NBAS: variants seen among roughly 807,000 people sequenced by gnomAD.
NBAS encodes NAG/BC035112 fusion.
Under a neutral mutation model 302.5 loss-of-function variants are expected in NBAS, and 219 were observed. That is an observed-to-expected ratio of 0.72 (90% CI 0.65 to 0.81). The LOEUF (loss-of-function observed/expected upper bound fraction) is 0.81. NBAS is among the 30% of genes least tolerant of loss of function. The probability of loss-of-function intolerance (pLI) is 0.00; values close to 1 mark genes in which losing one functional copy is unlikely to be tolerated. For missense variants in NBAS, 2,932 were observed against 2,841.6 expected, an observed-to-expected ratio of 1.03 and a Z score of -0.72; for synonymous variants, 1,118 against 1,021.6, an observed-to-expected ratio of 1.09 and a Z score of -1.80.
intron 48 of NBAS, among the ~76,000 whole-genome samples, chr2:15,212,678 G>A (rs1372951244): frequency 6.6e-6 from 1 of 152,098 alleles, no homozygotes; most frequent in Non-Finnish European, 1.5e-5. Flanking sequence ...TGAAGCATGG[G>A]GGGAGTTTCC....
At chr2:15,257,400 CTT>C (rs528160196) in intron 44 of NBAS, among the ~76,000 whole-genome samples, 26 of 135,128 alleles carry the variant, frequency 1.9e-4, no homozygotes, top group African/African-American at 1.6e-4. Flanking sequence ...CATTTAATTT[CTT>C]TTTTTTTTTT....
intron 6 of NBAS, among the ~76,000 whole-genome samples, chr2:15,548,231 G>A (rs966166423): frequency 2.0e-5 from 3 of 152,170 alleles, no homozygotes; most frequent in Non-Finnish European, 4.4e-5. Context: ...GTGTGCCTAC[G>A]ATGTGTCAGG....
At position 15,417,411 on chromosome 2, in the gene NBAS, A is replaced by T. The variant is rs1528622; in HGVS notation, c.2763+116T>A. 541,503 of 888,406 alleles carry T rather than the reference A, an allele frequency of 0.61. 174,536 individuals are homozygous for T. The highest frequency in any genetic ancestry group is 0.68 in the Non-Finnish European group (400,982 of 588,816). The allele number at this position is 888,406 out of a possible 1,614,324, so 55.0% of individuals were successfully genotyped here. A position where few individuals can be genotyped will look rare whatever the true frequency, so the allele number is the denominator to read the frequency against. On this transcript the variant is annotated intron_variant, in intron 24 of 51. Transcript: ENST00000281513. ...TTTACTGTGAAAAAAGTCAATCTTT[A>T]TTTACTAACTTCTCAGGTCTGTAGA...
chr2:15,102,716 T>A, the NBAS span, among the ~76,000 whole-genome samples: 2,529 of 152,242 alleles, frequency 0.017, 85 homozygotes, highest in African/African-American at 0.058. Flanking sequence ...CACCCAAGAA[T>A]AAGTTGGCTT....
chr2:14,963,491 G>A, the NBAS span, among the ~76,000 whole-genome samples: 1 of 152,096 alleles, frequency 6.6e-6, no homozygotes, highest in Non-Finnish European at 1.5e-5. Context: ...TTCAAGTCAG[G>A]TAGTTTCAAA....
rs773731707 is a variant in NBAS at position 15,427,744 on chromosome 2, C to T, written c.2390G>A (p.Arg797Gln). 3.9e-5 allele frequency: 63 copies of T among 1,613,348 alleles called. 2 individuals carry two copies. The highest frequency in any genetic ancestry group is 6.7e-5 in the East Asian group (3 of 44,856). Residue 797 changes from arginine to glutamine, a missense_variant, in exon 22 of 52, where the codon CGA (arginine) becomes CAA (glutamine). Physicochemically the swap from Arg to Gln is conservative, Grantham distance 43 (BLOSUM62 1). Transcript: ENST00000281513. ...CAACTCCTCGCACCAATCTTTAGCT[C>T]GGTGTTTATGTTCATGCCAAGGAAT... ...MIIPWHEHKH[R>Q]AKDWCEELAC...
the NBAS span, among the ~76,000 whole-genome samples, chr2:14,975,581 A>G: frequency 6.6e-6 from 1 of 152,290 alleles, no homozygotes; most frequent in South Asian, 2.1e-4. Context: ...ACATATGAGC[A>G]TGGTCTCATT....
rs1302399193 is a variant in NBAS at position 15,341,584 on chromosome 2, C to A, written c.4179+10408G>T. ...AAAAACAAAAATGTATTGCTTATTA[C>A]AAACACAGTTATTTTAAAATATAAA... On this transcript the variant is annotated intron_variant, in intron 35 of 51. Transcript: ENST00000281513. Among the ~76,000 whole-genome samples the A allele has an allele frequency of 2.0e-5, 3 of 151,930 alleles. No homozygotes were observed. In the East Asian group the frequency reaches 5.8e-4, roughly 29 times the overall value.
intron 8 of NBAS, among the ~76,000 whole-genome samples, chr2:15,534,923 A>T (rs1184509000): frequency 2.0e-5 from 3 of 152,202 alleles, no homozygotes; most frequent in Non-Finnish European, 1.5e-5. Flanking sequence ...ATCCATAAAG[A>T]CTTGTACAAG....
the NBAS span, among the ~76,000 whole-genome samples, chr2:14,943,612 T>C: frequency 1.3e-5 from 2 of 152,214 alleles, no homozygotes; most frequent in African/African-American, 4.8e-5. Flanking sequence ...GACCACTTTA[T>C]TATTAATTAA....
rs148728890 is a variant in NBAS, at chr2:15,435,531, G to A, written c.2340-7737C>T. 1.5e-3 allele frequency among the ~76,000 whole-genome samples: 227 copies of A among 152,290 alleles called. 2 individuals carry two copies. The highest frequency in any genetic ancestry group is 5.1e-3 in the African/African-American group (210 of 41,556). ...ATCTTTCTCATTTTACAGGAGAGGA[G>A]ACACAGGCACAGAAACAGTAAGCAA... is the stretch of plus-strand genomic sequence containing the variant. On this transcript the variant is annotated intron_variant, in intron 21 of 51. Coordinates refer to ENST00000281513, the MANE Select transcript of NBAS (RefSeq NM_015909.4).
Position 15,380,833 on chromosome 2 carries a change from T to A in NBAS, c.3361-1002A>T, listed in dbSNP as rs1000104752. On this transcript the variant is annotated intron_variant, in intron 29 of 51. Coordinates refer to ENST00000281513, the MANE Select transcript of NBAS (RefSeq NM_015909.4). ...GTAACATTTAATGGAGAAGCAAGAG[T>A]TTCAATATAATTAAGAAGACCATCC... Among the ~76,000 whole-genome samples, 5 of 151,964 alleles carry A rather than the reference T, an allele frequency of 3.3e-5. No homozygotes were observed. In the South Asian group the frequency reaches 6.2e-4, roughly 19 times the overall value.
the NBAS span, among the ~76,000 whole-genome samples, chr2:15,027,820 A>T: frequency 9.9e-5 from 15 of 151,788 alleles, no homozygotes; most frequent in African/African-American, 3.4e-4. Context: ...GTTTTATTTG[A>T]TCCCTATTTT....
chr2:14,996,604 G>T, the NBAS span, among the ~76,000 whole-genome samples: 1 of 152,262 alleles, frequency 6.6e-6, no homozygotes, highest in Non-Finnish European at 1.5e-5. Flanking sequence ...GTCTCTTTGC[G>T]ATGACAGATG....
the NBAS span, among the ~76,000 whole-genome samples, chr2:14,914,290 G>C: frequency 6.6e-6 from 1 of 152,134 alleles, no homozygotes; most frequent in African/African-American, 2.4e-5. Context: ...AGACAGATAA[G>C]ACTGACAGCA....
At chr2:14,804,339 A>T in the NBAS span, among the ~76,000 whole-genome samples, 1 of 152,298 alleles carries the variant, frequency 6.6e-6, no homozygotes, top group East Asian at 1.9e-4. Flanking sequence ...ATAGTGCTGA[A>T]GTGCTGTCTG....
intron 6 of NBAS, among the ~76,000 whole-genome samples, chr2:15,542,133 A>G (rs1572993651): frequency 1.2e-5 from 1 of 84,220 alleles, no homozygotes; most frequent in Non-Finnish European, 2.8e-5. Flanking sequence ...GGTGTACCCA[A>G]CAGCTCATTG....
intron 6 of NBAS, among the ~76,000 whole-genome samples, chr2:15,548,255 AC>A (rs1664211007): frequency 5.3e-5 from 8 of 152,172 alleles, no homozygotes; most frequent in Admixed American, 5.2e-4. Context: ...CGTGCTAAGC[AC>A]GAAAAAAAAA....
At chr2:15,360,190 G>A (rs1038309504) in intron 32 of NBAS, among the ~76,000 whole-genome samples, 3 of 152,036 alleles carry the variant, frequency 2.0e-5, no homozygotes, top group South Asian at 2.1e-4. Flanking sequence ...TTTGTTGGGT[G>A]GTGAGTGAAT....
Sources: allele counts gnomAD v4.1 joint callset (sites outside exome capture counted in the v4.1 genomes callset), GRCh38; gene constraint gnomAD v4.1.1; transcripts MANE v1.5; gene names NCBI Gene and HGNC (gene_info 2026-07-23, HGNC 2026-07-21).